The following RASSF3 variants were observed in gnomAD, a reference collection of about 807,000 sequenced individuals.
RASSF3 encodes the protein Ras association domain family member 3.
In RASSF3, 19 loss-of-function variants were observed where a neutral mutation model predicts 19.9. The ratio of observed to expected loss-of-function variants is 0.96; its 90% CI spans 0.67 to 1.40. The LOEUF (loss-of-function observed/expected upper bound fraction) is 1.40, where lower values mean the gene tolerates loss of function less well. RASSF3 is among the 40% of genes most tolerant of loss of function. The probability of loss-of-function intolerance (pLI) is 0.00; values close to 1 mark genes in which losing one functional copy is unlikely to be tolerated. For missense variants in RASSF3, 306 were observed against 289.8 expected, an observed-to-expected ratio of 1.06 and a Z score of -0.41; for synonymous variants, 110 against 104.2, an observed-to-expected ratio of 1.06 and a Z score of -0.34.
intron 3 of RASSF3, among the ~76,000 whole-genome samples, chr12:64,689,631 G>A (rs149011591): frequency 2.0e-5 from 3 of 152,168 alleles, no homozygotes; most frequent in Admixed American, 6.5e-5. Context: ...GAAAGTAATC[G>A]TGACTTGTTG....
At chr12:64,609,624 A>G (rs3851609), upstream of RASSF3, among the ~76,000 whole-genome samples, 3,470 of 152,330 alleles carry the variant, frequency 0.023, 129 homozygotes, top group African/African-American at 0.079. Context: ...AGAGTTTTAG[A>G]AAACATGGAA....
chr12:64,577,170 C>A (rs1048228318), intron 2 of RASSF3, among the ~76,000 whole-genome samples: 1 of 152,144 alleles, frequency 6.6e-6, no homozygotes, highest in Admixed American at 6.6e-5. Flanking sequence ...AAACGCTACT[C>A]GGCTGAGTTT....
rs1233497162 is a variant in RASSF3 at position 64,610,571 on chromosome 12, G to T, written c.-62G>T. The T allele has an allele frequency of 1.0e-4, 91 of 912,508 alleles. No homozygotes were observed. Among genetic ancestry groups the T allele is most frequent in the Non-Finnish European group, 1.2e-4 (83 of 683,984 alleles). 56.5% of individuals were successfully genotyped at this position (912,508 alleles called of 1,614,324 possible). On this transcript the variant is annotated 5_prime_UTR_variant, in exon 1 of 5. Transcript: ENST00000542104. Reference sequence around the variant, plus strand: ...GAACCTCGCGGGGCTGGCGGGCGCCGCACCCCCTCCCTGGCCGCCTGCGCC... The same window carrying T: ...GAACCTCGCGGGGCTGGCGGGCGCCTCACCCCCTCCCTGGCCGCCTGCGCC...
intron 1 of RASSF3, among the ~76,000 whole-genome samples, chr12:64,509,606 A>T (rs975383083): frequency 6.6e-6 from 1 of 152,188 alleles, no homozygotes. Context: ...GTGAGTAAGT[A>T]ACAGAATGTG....
rs140258079 is a variant in RASSF3, at chr12:64,655,887, C to T, written c.112-28900C>T. 3.0e-3 allele frequency among the ~76,000 whole-genome samples: 448 copies of T among 151,644 alleles called. 5 individuals carry two copies. Among genetic ancestry groups the T allele is most frequent in the African/African-American group, 0.01 (433 of 41,372 alleles). On this transcript the variant is annotated intron_variant, in intron 1 of 4. Coordinates refer to ENST00000542104, the MANE Select transcript of RASSF3 (RefSeq NM_178169.4). ...ACTAAAAATATGAAAATTAGCCGGG[C>T]GTGATTGTGGGTGCCTGTAATCCTG...
chr12:64,624,877 C>A (rs1342600201), intron 1 of RASSF3, among the ~76,000 whole-genome samples: 1 of 150,862 alleles, frequency 6.6e-6, no homozygotes, highest in African/African-American at 2.4e-5. Context: ...CTGTGTTAGC[C>A]AGGATGGTCT....
chr12:64,662,060 A>C (rs1338183579), intron 1 of RASSF3, among the ~76,000 whole-genome samples: 1 of 151,726 alleles, frequency 6.6e-6, no homozygotes, highest in Non-Finnish European at 1.5e-5. Context: ...GGAGACAAAA[A>C]TGGAGAGAGA....
chr12:64,634,574 A>G (rs758567360), intron 1 of RASSF3, among the ~76,000 whole-genome samples: 8 of 151,846 alleles, frequency 5.3e-5, no homozygotes, highest in Non-Finnish European at 1.2e-4. Flanking sequence ...CTTCACCATA[A>G]ATTTGATGTT....
At chr12:64,691,737 G>GAGGGCAGGGGGATGGGAAGGGA (rs1555217324) in intron 4 of RASSF3, among the ~76,000 whole-genome samples, 158 bp downstream of exon 4, 1 of 151,692 alleles carries the variant, frequency 6.6e-6, no homozygotes. Flanking sequence ...CAGGGAGAGG[G>GAGGGCAGGGGGATGGGAAGGGA]AGAGGGATTT....
At chr12:64,622,667 C>T in intron 1 of RASSF3, 1 of 267,088 alleles carries the variant, frequency 3.7e-6, no homozygotes, top group Non-Finnish European at 7.5e-6. Flanking sequence ...TGATTAACTC[C>T]TACTTTAAAT....
At chr12:64,528,317 AT>A (rs1212025306), upstream of RASSF3, among the ~76,000 whole-genome samples, 1 of 152,190 alleles carries the variant, frequency 6.6e-6, no homozygotes, top group Non-Finnish European at 1.5e-5. Flanking sequence ...AACTACTAAA[AT>A]TTCAAAATGT....
At chr12:64,661,337 A>G (rs1872350358) in intron 1 of RASSF3, among the ~76,000 whole-genome samples, 1 of 151,964 alleles carries the variant, frequency 6.6e-6, no homozygotes, top group African/African-American at 2.4e-5. Flanking sequence ...AAATTAAAAA[A>G]CTAGCTGGGC....
chr12:64,642,508 C>G (rs1293832105), intron 1 of RASSF3, among the ~76,000 whole-genome samples: 1 of 121,236 alleles, frequency 8.2e-6, no homozygotes, highest in Non-Finnish European at 1.6e-5. Flanking sequence ...TGCAGTAAGC[C>G]AAGATCATGC....
chr12:64,513,538 A>G (rs1157151972), intron 1 of RASSF3, among the ~76,000 whole-genome samples: 3 of 152,096 alleles, frequency 2.0e-5, no homozygotes, highest in Non-Finnish European at 4.4e-5. Context: ...ATAATAACCT[A>G]ACACCAAAGG....
chr12:64,513,834 G>A (rs780331332), intron 1 of RASSF3, among the ~76,000 whole-genome samples: 1 of 152,058 alleles, frequency 6.6e-6, no homozygotes, highest in African/African-American at 2.4e-5. Context: ...AAATTACAGA[G>A]CTATTCTAGG....
At chr12:64,554,825 C>T (rs1366437999) in intron 2 of RASSF3, among the ~76,000 whole-genome samples, 3 of 152,144 alleles carry the variant, frequency 2.0e-5, no homozygotes, top group Admixed American at 6.5e-5. Context: ...AGGACTTTGC[C>T]GCCTTCACCA....
intron 1 of RASSF3, among the ~76,000 whole-genome samples, chr12:64,528,149 T>G (rs1166814109): frequency 2.0e-5 from 3 of 152,070 alleles, no homozygotes; most frequent in Non-Finnish European, 2.9e-5. Context: ...GGTGCACACC[T>G]GTAGTCCCAG....
At chr12:64,614,055 T>C (rs1010290622) in intron 1 of RASSF3, among the ~76,000 whole-genome samples, 3 of 152,170 alleles carry the variant, frequency 2.0e-5, no homozygotes, top group African/African-American at 4.8e-5. Context: ...GTACCTGATA[T>C]ACAGTAGTTG....
intron 1 of RASSF3, among the ~76,000 whole-genome samples, chr12:64,650,582 A>AT (rs1306197901): frequency 2.6e-5 from 4 of 151,346 alleles, no homozygotes; most frequent in South Asian, 2.1e-4. Flanking sequence ...CACCCAGCTA[A>AT]TTTTTTGTAT....
Sources: gnomAD v4.1 joint callset for allele counts (sites outside exome capture counted in the v4.1 genomes callset) on GRCh38, gnomAD v4.1.1 for gene constraint, MANE v1.5 for transcripts, NCBI Gene and HGNC (gene_info 2026-07-23, HGNC 2026-07-21) for gene names.